Variants in CCL1 observed in about 807,000 individuals in gnomAD.
CCL1 encodes the protein C-C motif chemokine ligand 1, also known as C-C motif chemokine 1.
Under a neutral mutation model 7.5 loss-of-function variants are expected in CCL1, and 9 were observed. The observed-to-expected ratio is 1.20, with a 90% CI of 0.72 to 2.09. The LOEUF is 2.09. Among genes scored for constraint, CCL1 ranks in the 30% most tolerant of loss-of-function variants. The pLI, the probability that CCL1 is intolerant of heterozygous loss-of-function variation, is 0.00. For synonymous variants in CCL1, 48 were observed against 44.7 expected, an observed-to-expected ratio of 1.07 and a Z score of -0.30; for missense variants, 110 against 113.7, an observed-to-expected ratio of 0.97 and a Z score of 0.15.
In CCL1 at chr17:34,361,827, C is replaced by T; in HGVS notation, c.146G>A (p.Cys49Tyr). Reference sequence around the variant, plus strand: ...GCAGATGGAGCTGGTATTTCTGTAACACAGGATTGCCCTCAGGGGAATCTC... The same window carrying T: ...GCAGATGGAGCTGGTATTTCTGTAATACAGGATTGCCCTCAGGGGAATCTC... ...EQEIPLRAIL[C>Y]YRNTSSICSN... Residue 49 changes from cysteine to tyrosine, a missense_variant, in exon 2 of 3, where the codon TGT becomes TAT. Physicochemically the swap from Cys to Tyr is radical, Grantham distance 194. Transcript: ENST00000225842. 5 of 1,613,516 alleles carry T rather than the reference C, an allele frequency of 3.1e-6. No individual in the cohort carries two copies. Among genetic ancestry groups the T allele is most frequent in the African/African-American group, 1.3e-5 (1 of 75,052 alleles).
rs569632097 is a variant in CCL1 at position 34,363,218 on chromosome 17, A to G, written c.-57T>C. 6.6e-7 allele frequency: 1 copy of G among 1,523,242 alleles called. No homozygotes were observed. The highest frequency in any genetic ancestry group is 1.4e-5 in the African/African-American group (1 of 73,216). The allele number at this position is 1,523,242 out of a possible 1,614,324, so 94.4% of individuals were successfully genotyped here. The stretch of plus-strand genomic sequence containing the variant: ...CAGCTTTGATGAGCCTGGTGAAGCT[A>G]AGAGCTCACCACTGTGCCGTCCTGC... On this transcript the variant is annotated 5_prime_UTR_variant, in exon 1 of 3. Transcript: ENST00000225842.
intron 2 of CCL1, among the ~76,000 whole-genome samples, chr17:34,361,142 T>C (rs1910496255): frequency 6.6e-6 from 1 of 152,154 alleles, no homozygotes; most frequent in African/African-American, 2.4e-5. Context: ...GTCCAATCTA[T>C]AGACCAACTC....
intron 1 of CCL1, among the ~76,000 whole-genome samples, chr17:34,362,457 G>C (rs1910530934): frequency 6.6e-6 from 1 of 151,958 alleles, no homozygotes; most frequent in South Asian, 2.1e-4. Flanking sequence ...TCCTGCCCTG[G>C]TCCTTAGCTC....
chr17:34,360,831 G>A (rs563681095), intron 2 of CCL1, among the ~76,000 whole-genome samples, 170 bp from the exon 3 acceptor site: 1 of 152,040 alleles, frequency 6.6e-6, no homozygotes, highest in Non-Finnish European at 1.5e-5. Context: ...TTGCACGCTG[G>A]GGAACAGCCA....
At position 34,361,842 on chromosome 17, in the gene CCL1, A is replaced by G; in HGVS notation, c.131T>C (p.Leu44Pro). The G allele has an allele frequency of 6.2e-7, 1 of 1,613,378 alleles. No individual in the cohort carries two copies. Among genetic ancestry groups the G allele is most frequent in the South Asian group, 1.1e-5 (1 of 91,052 alleles). ...ATTTCTGTAACACAGGATTGCCCTC[A>G]GGGGAATCTCTTGCTCCGCAAATGA... is the stretch of plus-strand genomic sequence containing the variant. ...CFSFAEQEIP[L>P]RAILCYRNTS... Residue 44 changes from leucine to proline, a missense_variant, in exon 2 of 3, where the codon CTG becomes CCG. Physicochemically the swap from Leu to Pro is moderately conservative, Grantham distance 98 (BLOSUM62 -3). Transcript: ENST00000225842.
chr17:34,362,210 C>T (rs757757884), intron 1 of CCL1, among the ~76,000 whole-genome samples: 15 of 152,196 alleles, frequency 9.9e-5, no homozygotes, highest in Non-Finnish European at 1.6e-4. Context: ...TCTAAAGGCT[C>T]ATCCAGTTTT....
At chr17:34,360,729 C>G in intron 2 of CCL1, 68 bp from the exon 3 acceptor site, 1 of 1,202,310 alleles carries the variant, frequency 8.3e-7, no homozygotes, top group Non-Finnish European at 1.2e-6. Flanking sequence ...ACGCACAAGC[C>G]CCGCCTCCTC....
At position 34,360,984 on chromosome 17, in the gene CCL1, C is replaced by A. The variant is rs553911174; in HGVS notation, c.189-323G>T. 2.4e-4 allele frequency among the ~76,000 whole-genome samples: 36 copies of A among 152,212 alleles called. 1 individual carries two copies. Among genetic ancestry groups the A allele is most frequent in the Admixed American group, 2.2e-3 (34 of 15,280 alleles). On this transcript the variant is annotated intron_variant, in intron 2 of 2. Transcript: ENST00000225842. The stretch of plus-strand genomic sequence containing the variant: ...TCCCATCCTGGAATAGCTCTTTGCA[C>A]CAACTTTAATGTTTCTGTGTCCATC...
At chr17:34,362,781 G>C (rs11867903) in intron 1 of CCL1, among the ~76,000 whole-genome samples, 5,240 of 152,208 alleles carry the variant, frequency 0.034, 130 homozygotes, top group African/African-American at 0.073. Flanking sequence ...CACCCAGGCT[G>C]TCCCCTGGAC....
rs560824736 is a variant in CCL1 at position 34,360,796 on chromosome 17, G to A, written c.189-135C>T. On this transcript the variant is annotated intron_variant, in intron 2 of 2. Coordinates refer to ENST00000225842, the MANE Select transcript of CCL1 (RefSeq NM_002981.2). Reference sequence around the variant, plus strand: ...AGGCCTTGGGCTCCCCTCTGTAAATGAAGTTGCTGCACAGGATGTGTGGTT... The same window carrying A: ...AGGCCTTGGGCTCCCCTCTGTAAATAAAGTTGCTGCACAGGATGTGTGGTT... The A allele has an allele frequency of 7.4e-6, 5 of 673,746 alleles. No individual in the cohort carries two copies. In the African/African-American group the frequency reaches 8.9e-5, roughly 12 times the overall value. 41.7% of individuals were successfully genotyped at this position (673,746 alleles called of 1,614,324 possible).
chr17:34,360,699 A>AGTGGTGGCTTGGGT, intron 2 of CCL1, 38 bp from the exon 3 acceptor site: 13 of 1,528,708 alleles, frequency 8.5e-6, no homozygotes, highest in East Asian at 2.2e-5. Context: ...TGAGCCACCC[A>AGTGGTGGCTTGGGT]AGCCACCACT....
Position 34,361,816 on chromosome 17 carries a change from T to C in CCL1, c.157A>G (p.Thr53Ala). The C allele has an allele frequency of 6.2e-7, 1 of 1,613,116 alleles. No individual in the cohort carries two copies. Among genetic ancestry groups the C allele is most frequent in the Non-Finnish European group, 8.5e-7 (1 of 1,179,110 alleles). Residue 53 changes from threonine to alanine, a missense_variant, in exon 2 of 3, where the codon ACC (threonine) becomes GCC (alanine). Coordinates refer to ENST00000225842, the MANE Select transcript of CCL1 (RefSeq NM_002981.2). Reference protein sequence around the residue: ...PLRAILCYRNTSSICSNEGLI... With the variant: ...PLRAILCYRNASSICSNEGLI... ...CCCTCATTGGAGCAGATGGAGCTGGTATTTCTGTAACACAGGATTGCCCTC... is the reference window on the plus strand; with the variant it reads ...CCCTCATTGGAGCAGATGGAGCTGGCATTTCTGTAACACAGGATTGCCCTC...
chr17:34,361,974 A>C, intron 1 of CCL1, 78 bp from the exon 2 acceptor site: 1 of 959,058 alleles, frequency 1.0e-6, no homozygotes, highest in Non-Finnish European at 1.6e-6. Flanking sequence ...AAAAACAAAC[A>C]AAAAAACGCC....
rs1567664819 is a variant in CCL1 at position 34,362,939 on chromosome 17, T to C, written c.76+147A>G. Reference sequence around the variant, plus strand: ...TCTCCTACTAGCCCTCACCCCAGCCTGTCCAAGTTCACCATTCCTCCTCTT... The same window carrying C: ...TCTCCTACTAGCCCTCACCCCAGCCCGTCCAAGTTCACCATTCCTCCTCTT... On this transcript the variant is annotated intron_variant, in intron 1 of 2. Transcript: ENST00000225842. 7.0e-6 allele frequency: 5 copies of C among 709,746 alleles called. No individual in the cohort carries two copies. In the East Asian group the frequency reaches 1.1e-4, roughly 15 times the overall value. 44.0% of individuals were successfully genotyped at this position (709,746 alleles called of 1,614,324 possible). A position where few individuals can be genotyped will look rare whatever the true frequency, so the allele number is the denominator to read the frequency against.
rs753061493 is a variant in CCL1, at chr17:34,361,927, T to A, written c.77-31A>T. On this transcript the variant is annotated intron_variant, in intron 1 of 2. Coordinates refer to ENST00000225842, the MANE Select transcript of CCL1 (RefSeq NM_002981.2). ...AGAGGAACACAGACGATGGTTTGCA[T>A]CCATTTCTCAACCTCTCACCTGTAG... 4 of 1,457,338 alleles carry A rather than the reference T, an allele frequency of 2.7e-6. No individual in the cohort carries two copies. In the Admixed American group the frequency reaches 6.7e-5, roughly 25 times the overall value. The allele number at this position is 1,457,338 out of a possible 1,614,324, so 90.3% of individuals were successfully genotyped here.
At chr17:34,361,930 A>T in intron 1 of CCL1, 34 bp from the exon 2 acceptor site, 2 of 1,356,854 alleles carry the variant, frequency 1.5e-6, no homozygotes, top group Non-Finnish European at 2.1e-6. Flanking sequence ...GTTTGCATCC[A>T]TTTCTCAACC....
intron 2 of CCL1, among the ~76,000 whole-genome samples, chr17:34,361,029 T>C (rs778435996): frequency 2.6e-5 from 4 of 151,996 alleles, no homozygotes; most frequent in Non-Finnish European, 5.9e-5. Flanking sequence ...ACTTGTTGCG[T>C]TGGACTCATG....
chr17:34,361,892 C>T lies in CCL1; in HGVS notation c.81G>A (p.Gln27=). ...WPEDVDSKSM[Q]VPFSRCCFSF... is the part of the protein sequence containing the mutation. The stretch of plus-strand genomic sequence containing the variant: ...AGAAGCAACATCTGGAGAAGGGTAC[C>T]TGCACTAGAAGAGGAACACAGACGA... The change falls in exon 2 of 3, where the codon CAG becomes CAA. Residue 27 remains glutamine, a synonymous_variant. Transcript: ENST00000225842. 6.2e-7 allele frequency: 1 copy of T among 1,602,084 alleles called. No individual in the cohort carries two copies. Among genetic ancestry groups the T allele is most frequent in the South Asian group, 1.1e-5 (1 of 90,812 alleles).
At chr17:34,363,049 C>T (rs1358626761) in intron 1 of CCL1, 37 bp downstream of exon 1, 2 of 1,601,086 alleles carry the variant, frequency 1.2e-6, no homozygotes. Context: ...TTTCTGCCCT[C>T]CCCAGAGAGA....
Sources: gnomAD v4.1 joint callset for allele counts (sites outside exome capture counted in the v4.1 genomes callset) on GRCh38, gnomAD v4.1.1 for gene constraint, MANE v1.5 for transcripts, NCBI Gene and HGNC (gene_info 2026-07-23, HGNC 2026-07-21) for gene names.